Variants in SUGCT observed in about 807,000 individuals in gnomAD.
SUGCT encodes succinyl-CoA:glutarate CoA-transferase.
In SUGCT, 41 loss-of-function variants were observed where a neutral mutation model predicts 55.0. The observed-to-expected ratio is 0.74, with a 90% CI of 0.58 to 0.97. SUGCT has a LOEUF of 0.97. Among genes scored for constraint, SUGCT ranks in the 50% least tolerant of loss-of-function variants. The pLI is 0.00. For missense variants in SUGCT, 568 were observed against 547.8 expected, an observed-to-expected ratio of 1.04 and a Z score of -0.37; for synonymous variants, 187 against 200.4, an observed-to-expected ratio of 0.93 and a Z score of 0.56.
intron 12 of SUGCT, among the ~76,000 whole-genome samples, chr7:40,742,917 T>C (rs992483400): frequency 1.3e-5 from 2 of 152,222 alleles, no homozygotes; most frequent in South Asian, 2.1e-4. Context: ...AAATAAAGAA[T>C]ATTACTCCAG....
chr7:40,448,235 TCCC>T (rs2151426023), intron 9 of SUGCT, among the ~76,000 whole-genome samples: 1 of 25,426 alleles, frequency 3.9e-5, no homozygotes, highest in African/African-American at 1.5e-4. Flanking sequence ...CCTCCCTCCC[TCCC>T]TCCCTCCCTT....
At chr7:40,477,969 C>T (rs1009948899) in intron 11 of SUGCT, among the ~76,000 whole-genome samples, 2 of 152,090 alleles carry the variant, frequency 1.3e-5, no homozygotes, top group Non-Finnish European at 2.9e-5. Context: ...AACAGCATCC[C>T]CAACAAATTA....
At chr7:40,914,163 A>C in the SUGCT span, among the ~76,000 whole-genome samples, 1 of 151,764 alleles carries the variant, frequency 6.6e-6, no homozygotes, top group Non-Finnish European at 1.5e-5. Context: ...TCAGTCCCTA[A>C]TGTCTGGAAA....
chr7:40,199,758 GTGGGAACAC>G (rs952740531), intron 6 of SUGCT, among the ~76,000 whole-genome samples: 2 of 149,116 alleles, frequency 1.3e-5, no homozygotes, highest in African/African-American at 4.9e-5. Flanking sequence ...TGAGTTTGTA[GTGGGAACAC>G]TGTACATGTC....
the SUGCT span, among the ~76,000 whole-genome samples, chr7:41,009,805 AC>A: frequency 6.6e-6 from 1 of 152,186 alleles, no homozygotes; most frequent in African/African-American, 2.4e-5. Flanking sequence ...TTTAACAAGT[AC>A]CCCAGATGTG....
chr7:40,903,171 A>G, the SUGCT span, among the ~76,000 whole-genome samples: 2 of 151,918 alleles, frequency 1.3e-5, no homozygotes, highest in Non-Finnish European at 2.9e-5. Flanking sequence ...AGCTGGGACT[A>G]TAGGCGCGTG....
At chr7:40,908,670 A>G in the SUGCT span, among the ~76,000 whole-genome samples, 1 of 152,262 alleles carries the variant, frequency 6.6e-6, no homozygotes, top group African/African-American at 2.4e-5. Flanking sequence ...TAAAAAATAT[A>G]AAAATAGTTA....
intron 6 of SUGCT, among the ~76,000 whole-genome samples, chr7:40,219,109 A>C (rs1421385487): frequency 6.6e-6 from 1 of 152,152 alleles, no homozygotes; most frequent in Non-Finnish European, 1.5e-5. Context: ...GGAGGAACGA[A>C]CAACTCTGGA....
At chr7:40,721,256 G>A (rs561459654) in intron 12 of SUGCT, among the ~76,000 whole-genome samples, 15 of 152,296 alleles carry the variant, frequency 9.8e-5, no homozygotes, top group African/African-American at 3.6e-4. Context: ...TCAATGCTGG[G>A]AGGTAACCAG....
chr7:40,898,480 C>CGGGGGGGGGGGGGGGGG, the SUGCT span, among the ~76,000 whole-genome samples: 5 of 5,718 alleles, frequency 8.7e-4, 2 homozygotes, highest in Non-Finnish European at 2.2e-3. Context: ...TCCGGGAGGT[C>CGGGGGGGGGGGGGGGGG]GGGGGGGGGG....
chr7:40,801,897 C>A (rs555136202), intron 13 of SUGCT, among the ~76,000 whole-genome samples: 1 of 151,682 alleles, frequency 6.6e-6, no homozygotes, highest in Non-Finnish European at 1.5e-5. Context: ...ACCCCATAGA[C>A]CAGCTTATAT....
chr7:40,513,707 A>G (rs1030584702), intron 12 of SUGCT, among the ~76,000 whole-genome samples: 35 of 151,972 alleles, frequency 2.3e-4, no homozygotes, highest in African/African-American at 7.7e-4. Flanking sequence ...TTTATGAGCT[A>G]TAATTAGGAC....
intron 9 of SUGCT, among the ~76,000 whole-genome samples, chr7:40,322,508 C>G (rs769662865): frequency 1.2e-4 from 18 of 152,108 alleles, no homozygotes; most frequent in Non-Finnish European, 2.2e-4. Context: ...GACCATCTGT[C>G]CCCCCAGCTC....
intron 7 of SUGCT, among the ~76,000 whole-genome samples, chr7:40,253,561 A>G (rs1383237505): frequency 6.8e-6 from 1 of 147,118 alleles, no homozygotes; most frequent in Admixed American, 7.0e-5. Context: ...ATGTGTAAAT[A>G]TATTTACATT....
chr7:40,750,288 A>G (rs1255792246), intron 13 of SUGCT, among the ~76,000 whole-genome samples: 1 of 152,222 alleles, frequency 6.6e-6, no homozygotes, highest in Non-Finnish European at 1.5e-5. Context: ...TCCACATTCC[A>G]GCAATGGAGT....
At chr7:40,283,233 CTT>C (rs58223100) in intron 8 of SUGCT, among the ~76,000 whole-genome samples, 6 of 144,022 alleles carry the variant, frequency 4.2e-5, no homozygotes, top group Admixed American at 1.4e-4. Context: ...CTTTCTTTTT[CTT>C]TTTTTTTTTT....
intron 9 of SUGCT, among the ~76,000 whole-genome samples, chr7:40,399,392 G>T (rs189217715): frequency 1.3e-5 from 2 of 152,096 alleles, no homozygotes; most frequent in African/African-American, 4.8e-5. Context: ...ACCCAAATTG[G>T]CTTCAGCCAA....
At chr7:40,675,381 G>A (rs1203779272) in intron 12 of SUGCT, among the ~76,000 whole-genome samples, 5 of 152,146 alleles carry the variant, frequency 3.3e-5, no homozygotes, top group African/African-American at 7.2e-5. Context: ...CTTCTAATGT[G>A]TAATCACATA....
intron 12 of SUGCT, among the ~76,000 whole-genome samples, chr7:40,709,536 T>C (rs1785595691): frequency 6.6e-6 from 1 of 152,186 alleles, no homozygotes; most frequent in South Asian, 2.1e-4. Flanking sequence ...GAACCTTATG[T>C]CATTGCCAAC....
Sources: gnomAD v4.1 joint callset for allele counts (sites outside exome capture counted in the v4.1 genomes callset) on GRCh38, gnomAD v4.1.1 for gene constraint, MANE v1.5 for transcripts, NCBI Gene and HGNC (gene_info 2026-07-23, HGNC 2026-07-21) for gene names.